The following FSD1L variants were observed in gnomAD, a reference collection of about 807,000 sequenced individuals.
The protein encoded by FSD1L is fibronectin type III and SPRY domain containing 1 like.
A neutral mutation model predicts 71.6 loss-of-function variants in FSD1L; 45 were observed. The ratio of observed to expected loss-of-function variants is 0.63; its 90% CI spans 0.49 to 0.81. The LOEUF (loss-of-function observed/expected upper bound fraction) is 0.81, where lower values mean the gene tolerates loss of function less well. Among genes scored for constraint, FSD1L ranks in the 30% least tolerant of loss-of-function variants. The pLI is 0.00. For synonymous variants in FSD1L, 197 were observed against 207.2 expected, an observed-to-expected ratio of 0.95 and a Z score of 0.42; for missense variants, 561 against 618.1, an observed-to-expected ratio of 0.91 and a Z score of 0.98.
At chr9:105,465,874 A>G (rs896852277) in intron 3 of FSD1L, among the ~76,000 whole-genome samples, 1 of 150,572 alleles carries the variant, frequency 6.6e-6, no homozygotes, top group African/African-American at 2.4e-5. Context: ...TACTCTCACC[A>G]CTTTTTTTTT....
intron 10 of FSD1L, among the ~76,000 whole-genome samples, chr9:105,515,637 G>C (rs892074692): frequency 1.3e-5 from 2 of 152,008 alleles, no homozygotes; most frequent in African/African-American, 4.8e-5. Context: ...CCTGAGGAAC[G>C]GTGCACTCCG....
At chr9:105,494,765 C>T (rs973971031) in intron 7 of FSD1L, among the ~76,000 whole-genome samples, 2 of 152,194 alleles carry the variant, frequency 1.3e-5, no homozygotes, top group African/African-American at 4.8e-5. Flanking sequence ...TAGAGGTGCA[C>T]TCCAGACCCT....
intron 10 of FSD1L, among the ~76,000 whole-genome samples, chr9:105,513,140 C>A (rs935490580): frequency 2.0e-5 from 3 of 152,034 alleles, no homozygotes; most frequent in African/African-American, 7.2e-5. Flanking sequence ...AGTTTCATCC[C>A]TAATCCTCTT....
At position 105,471,993 on chromosome 9, in the gene FSD1L, A is replaced by G. The variant is rs895013027; in HGVS notation, c.429A>G (p.Glu143=). 3 of 1,436,172 alleles carry G rather than the reference A, an allele frequency of 2.1e-6. No individual in the cohort carries two copies. The highest frequency in any genetic ancestry group is 3.3e-5 in the Admixed American group (1 of 29,898). The allele number at this position is 1,436,172 out of a possible 1,614,324, so 89.0% of individuals were successfully genotyped here. The change falls in exon 5 of 14, where the codon GAA becomes GAG. Residue 143 remains glutamate, a synonymous_variant. Transcript: ENST00000481272. Reference sequence around the variant, plus strand: ...GGTCATTAGATATAAAGGAACCTGAAGAATTTTCAAAGGTACACAAAAACT... The same window carrying G: ...GGTCATTAGATATAAAGGAACCTGAGGAATTTTCAAAGGTACACAAAAACT... The part of the protein sequence containing the change: ...ATRSLDIKEP[E]EFSKAARQIK...
chr9:105,446,825 A>C (rs923741717), upstream of FSD1L, among the ~76,000 whole-genome samples: 24 of 151,820 alleles, frequency 1.6e-4, no homozygotes, highest in African/African-American at 5.3e-4. Flanking sequence ...TAGGTACTCA[A>C]TATGTATTTC....
At chr9:105,538,960 G>A (rs1836438035) in intron 12 of FSD1L, among the ~76,000 whole-genome samples, 1 of 152,002 alleles carries the variant, frequency 6.6e-6, no homozygotes, top group Non-Finnish European at 1.5e-5. Flanking sequence ...GTTTACACTG[G>A]GCTAATGAAA....
rs1837040826 is a variant in FSD1L, at chr9:105,546,970, A to G, written c.*487A>G. 1 of 152,126 alleles carries G rather than the reference A, an allele frequency of 6.6e-6. No homozygotes were observed. Among genetic ancestry groups the G allele is most frequent in the Non-Finnish European group, 1.5e-5 (1 of 67,996 alleles). 9.4% of individuals were successfully genotyped at this position (152,126 alleles called of 1,614,324 possible). On this transcript the variant is annotated 3_prime_UTR_variant, in exon 14 of 14. Transcript: ENST00000481272. Reference sequence around the variant, plus strand: ...ATTGAAATCATATGTTGGGAATGGTAAAAAGGTTTTCAAATGGTTTATTTT... The same window carrying G: ...ATTGAAATCATATGTTGGGAATGGTGAAAAGGTTTTCAAATGGTTTATTTT...
At chr9:105,530,804 T>G in intron 10 of FSD1L, 1 of 496,686 alleles carries the variant, frequency 2.0e-6, no homozygotes, top group Non-Finnish European at 3.6e-6. Context: ...AGGCCTTTGT[T>G]TTTTCAATTT....
At chr9:105,463,721 A>G (rs1830870178) in intron 2 of FSD1L, among the ~76,000 whole-genome samples, 2 of 152,244 alleles carry the variant, frequency 1.3e-5, no homozygotes, top group African/African-American at 2.4e-5. Flanking sequence ...TTTATTTATT[A>G]TAGTTCTACA....
At chr9:105,449,447 A>G (rs1375490752) in intron 1 of FSD1L, among the ~76,000 whole-genome samples, 3 of 152,340 alleles carry the variant, frequency 2.0e-5, no homozygotes, top group East Asian at 3.9e-4. Context: ...AGCTTATTAG[A>G]TAAAAGAAAT....
rs540144187 is a variant in FSD1L, at chr9:105,531,600, CTG to C, written c.1026-2889_1026-2888del. Among the ~76,000 whole-genome samples the C allele has an allele frequency of 6.6e-5, 10 of 152,310 alleles. No individual in the cohort carries two copies. The East Asian group carries it at 1.5e-3, about 23-fold the overall frequency. On this transcript the variant is annotated intron_variant, in intron 10 of 13. Coordinates refer to ENST00000481272, the MANE Select transcript of FSD1L (RefSeq NM_001145313.3). ...CAAATACTGACGTGATTAATTAAAA[CTG>C]TGTTCATTTTTGTATAGTTACCAAT...
At chr9:105,457,829 C>T (rs1588917537) in intron 1 of FSD1L, among the ~76,000 whole-genome samples, 2 of 152,336 alleles carry the variant, frequency 1.3e-5, no homozygotes, top group African/African-American at 4.8e-5. Flanking sequence ...ATGCTGGCTG[C>T]TGTGGCCATA....
intron 7 of FSD1L, among the ~76,000 whole-genome samples, chr9:105,493,196 C>T (rs1350462550): frequency 6.6e-6 from 1 of 152,006 alleles, no homozygotes; most frequent in Non-Finnish European, 1.5e-5. Flanking sequence ...GTATTGGGTG[C>T]ATATATATTT....
At chr9:105,523,605 C>A in intron 10 of FSD1L, 1 of 1,610,550 alleles carries the variant, frequency 6.2e-7, no homozygotes, top group East Asian at 2.2e-5. Flanking sequence ...CCCTTCTCCA[C>A]CAGTTTTAAT....
rs546831753 is a variant in FSD1L, at chr9:105,454,650, G to A, written c.15+6415G>A. On this transcript the variant is annotated intron_variant, in intron 1 of 13. Coordinates refer to ENST00000481272, the MANE Select transcript of FSD1L (RefSeq NM_001145313.3). ...CTATGAGCCTCCTTGACTTTACTGGGTAAAACAGCCAGTTCAAAGGCCACT... is the reference window on the plus strand; with the variant it reads ...CTATGAGCCTCCTTGACTTTACTGGATAAAACAGCCAGTTCAAAGGCCACT... Among the ~76,000 whole-genome samples, 47 of 152,222 alleles carry A rather than the reference G, an allele frequency of 3.1e-4. 1 individual carries two copies. Among genetic ancestry groups the A allele is most frequent in the African/African-American group, 1.1e-3 (46 of 41,518 alleles).
intron 10 of FSD1L, chr9:105,525,358 A>AAT (rs1835441823): frequency 6.3e-7 from 1 of 1,592,066 alleles, no homozygotes; most frequent in African/African-American, 1.4e-5. Context: ...AATCTCACTT[A>AAT]ATATTCCTGC....
At chr9:105,447,901 G>T (rs1040197059), upstream of FSD1L, 1 of 482,738 alleles carries the variant, frequency 2.1e-6, no homozygotes, top group African/African-American at 2.1e-5. Flanking sequence ...GGGGAAGGGA[G>T]TGCAGCCTGC....
intron 10 of FSD1L, chr9:105,522,719 T>A: frequency 2.5e-6 from 4 of 1,605,912 alleles, no homozygotes; most frequent in Non-Finnish European, 3.4e-6. Context: ...AAAAACTGCC[T>A]CCTCTTAATA....
At chr9:105,462,102 T>C (rs548468062) in intron 2 of FSD1L, among the ~76,000 whole-genome samples, 33 of 152,288 alleles carry the variant, frequency 2.2e-4, no homozygotes, top group African/African-American at 4.3e-4. Flanking sequence ...AAAAAATATG[T>C]AAATGGGAAG....
Sources: allele counts gnomAD v4.1 joint callset (sites outside exome capture counted in the v4.1 genomes callset), GRCh38; gene constraint gnomAD v4.1.1; transcripts MANE v1.5; gene names NCBI Gene and HGNC (gene_info 2026-07-23, HGNC 2026-07-21).